The following DMD variants were observed in gnomAD, a reference collection of about 807,000 sequenced individuals.
The protein encoded by DMD is mutant dystrophin.
DMD carries 63 observed loss-of-function variants against 330.1 expected under a neutral mutation model. The ratio of observed to expected loss-of-function variants is 0.19; its 90% CI spans 0.16 to 0.24. The LOEUF is 0.24. Ranked by LOEUF, DMD falls within the 10% of genes least tolerant of loss-of-function variation. The probability of loss-of-function intolerance (pLI) is 1.00; values close to 1 mark genes in which losing one functional copy is unlikely to be tolerated. For missense variants in DMD, 3,344 were observed against 2,684.1 expected, an observed-to-expected ratio of 1.25 and a Z score of -5.43; for synonymous variants, 1,223 against 959.8, an observed-to-expected ratio of 1.27 and a Z score of -5.07.
chrX:32,788,653 A>T (rs935880443), intron 7 of DMD, among the ~76,000 whole-genome samples: 3 of 112,250 alleles, frequency 2.7e-5, no homozygotes, highest in Non-Finnish European at 5.6e-5. Flanking sequence ...TCTGGCTAAA[A>T]TACAAACTGT....
chrX:31,356,195 T>A (rs2058670639), intron 60 of DMD, among the ~76,000 whole-genome samples: 1 of 111,879 alleles, frequency 8.9e-6, no homozygotes, highest in South Asian at 3.7e-4. Flanking sequence ...AGGAGCATAA[T>A]TCTTAATAGA....
At chrX:31,284,592 TC>T (rs2052982312) in intron 62 of DMD, among the ~76,000 whole-genome samples, 2 of 97,752 alleles carry the variant, frequency 2.0e-5, no homozygotes, top group South Asian at 9.4e-4. Context: ...TTCTTCTTCT[TC>T]TTCTTCTTCT....
Position 32,485,073 on chromosome X carries a change from A to G in DMD, c.2649T>C (p.Leu883=). 8.3e-7 allele frequency: 1 copy of G among 1,211,011 alleles called. No individual in the cohort carries two copies. The change falls in exon 21 of 79, where the codon CTT becomes CTC. Residue 883 remains leucine (L), a synonymous_variant. Transcript: ENST00000357033. ...TTTTTAATCGTTCAATTTGAGGTTG[A>G]AGATCTGATAGCCGGTTGACTTCAT... ...CKDEVNRLSD[L]QPQIERLKIQ... is the part of the protein sequence containing the mutation.
At chrX:32,207,356 C>T (rs1341084337) in intron 44 of DMD, among the ~76,000 whole-genome samples, 1 of 111,327 alleles carries the variant, frequency 9.0e-6, no homozygotes, top group East Asian at 2.8e-4. Context: ...GATGACATAT[C>T]AAGTAGGCCC....
intron 55 of DMD, among the ~76,000 whole-genome samples, chrX:31,531,869 G>A (rs769742293): frequency 1.1e-5 from 1 of 93,949 alleles, no homozygotes; most frequent in Non-Finnish European, 2.1e-5. Flanking sequence ...GCGATCAACT[G>A]GAAGAAAGGG....
chrX:32,328,771 A>G (rs2097664672), intron 41 of DMD, among the ~76,000 whole-genome samples: 1 of 111,637 alleles, frequency 9.0e-6, no homozygotes, highest in Non-Finnish European at 1.9e-5. Flanking sequence ...CAAAATGAGA[A>G]GAAAGAAAAA....
intron 53 of DMD, among the ~76,000 whole-genome samples, chrX:31,666,633 G>A (rs983865241): frequency 9.8e-5 from 11 of 111,817 alleles, no homozygotes; most frequent in Non-Finnish European, 1.9e-4. Flanking sequence ...TAAAGAACAG[G>A]TTCTCTTATT....
chrX:32,382,669 G>A (rs1488886246), intron 33 of DMD, among the ~76,000 whole-genome samples: 1 of 106,965 alleles, frequency 9.3e-6, no homozygotes, highest in East Asian at 2.9e-4. Flanking sequence ...CAAGAATTTT[G>A]TGTTGTAGGG....
intron 44 of DMD, among the ~76,000 whole-genome samples, chrX:32,169,711 C>A (rs1569548309): frequency 8.9e-6 from 1 of 111,834 alleles, no homozygotes; most frequent in Non-Finnish European, 1.9e-5. Flanking sequence ...ATGCCATCTA[C>A]CCCTTCTCTA....
chrX:32,834,945 A>G (rs190286837), intron 4 of DMD, among the ~76,000 whole-genome samples: 2 of 111,513 alleles, frequency 1.8e-5, no homozygotes, highest in East Asian at 5.6e-4. Context: ...GGAGAAAGGA[A>G]GACAGATCAT....
chrX:32,334,730 G>A (rs1329246862), intron 41 of DMD, among the ~76,000 whole-genome samples: 1 of 111,465 alleles, frequency 9.0e-6, no homozygotes, highest in African/African-American at 3.3e-5. Flanking sequence ...TCATCAATCT[G>A]AAATCAAATT....
intron 41 of DMD, among the ~76,000 whole-genome samples, chrX:32,340,608 G>A (rs936391694): frequency 3.6e-5 from 4 of 111,374 alleles, no homozygotes; most frequent in Middle Eastern, 4.6e-3. Flanking sequence ...CAAGACCTGG[G>A]GAAAATTGGA....
At chrX:32,907,042 A>G (rs1360121626) in intron 2 of DMD, among the ~76,000 whole-genome samples, 1 of 112,278 alleles carries the variant, frequency 8.9e-6, no homozygotes, top group African/African-American at 3.2e-5. Context: ...TTGAATGACT[A>G]TGATATCATC....
Position 33,160,346 on chromosome X carries a change from A to T in DMD, c.31+50936T>A, listed in dbSNP as rs780832046. On this transcript the variant is annotated intron_variant, in intron 1 of 78. Coordinates refer to ENST00000357033, the MANE Select transcript of DMD (RefSeq NM_004006.3). ...GCAAAGTGTCCTCTAGGGTGGACTC[A>T]GCTACCAGGGCCACAGCCTAGTCAG... Among the ~76,000 whole-genome samples, 13 of 111,737 alleles carry T rather than the reference A, an allele frequency of 1.2e-4. No homozygotes were observed. The South Asian group carries it at 4.5e-3, about 39-fold the overall frequency.
intron 55 of DMD, among the ~76,000 whole-genome samples, chrX:31,613,049 C>A (rs1047028562): frequency 6.3e-5 from 7 of 111,974 alleles, no homozygotes; most frequent in Non-Finnish European, 1.1e-4. Context: ...GTATTCTGAG[C>A]AAAGATAACT....
At chrX:32,132,939 G>T (rs1333971650) in intron 44 of DMD, among the ~76,000 whole-genome samples, 1 of 105,447 alleles carries the variant, frequency 9.5e-6, no homozygotes, top group Non-Finnish European at 1.9e-5. Context: ...AGTTTTTGAG[G>T]ACACCACACA....
chrX:31,179,607 T>C lies in DMD; in HGVS notation c.10086+763A>G, dbSNP rs767775166. On this transcript the variant is annotated intron_variant, in intron 69 of 78. Transcript: ENST00000357033. ...ACAGTCAACAGGGACAGGTTTATTT[T>C]AGAAAAAACAAACCTGAGAGGAGCC... Among the ~76,000 whole-genome samples, 4 of 111,936 alleles carry C rather than the reference T, an allele frequency of 3.6e-5. No individual in the cohort carries two copies. In the South Asian group the frequency reaches 1.5e-3, roughly 42 times the overall value.
intron 47 of DMD, among the ~76,000 whole-genome samples, chrX:31,921,508 T>A (rs1322130947): frequency 8.9e-6 from 1 of 111,982 alleles, no homozygotes; most frequent in Non-Finnish European, 1.9e-5. Context: ...TTCAGCTTTC[T>A]CCCCAAGAGC....
chrX:32,380,411 T>G (rs1186746516), intron 34 of DMD, 99 bp downstream of exon 34: 2 of 787,427 alleles, frequency 2.5e-6, no homozygotes, highest in African/African-American at 2.1e-5. Flanking sequence ...ATATTAATAT[T>G]TATAATGCTA....
Sources: gnomAD v4.1 joint callset for allele counts (sites outside exome capture counted in the v4.1 genomes callset) on GRCh38, gnomAD v4.1.1 for gene constraint, MANE v1.5 for transcripts, NCBI Gene and HGNC (gene_info 2026-07-23, HGNC 2026-07-21) for gene names.